JARID2: variants seen among roughly 807,000 people sequenced by gnomAD.
The protein encoded by JARID2 is protein Jumonji.
JARID2 carries 21 observed loss-of-function variants against 125.6 expected under a neutral mutation model. The observed-to-expected ratio is 0.17, with a 90% CI of 0.12 to 0.24. The LOEUF is 0.24. JARID2 is among the 10% of genes least tolerant of loss of function. JARID2 has a pLI of 1.00. For synonymous variants in JARID2, 736 were observed against 661.6 expected (o/e 1.11, Z -1.73); for missense variants, 1,303 against 1,639.6 (o/e 0.79, Z 3.55).
At chr6:15,503,826 C>T (rs1770860577) in intron 8 of JARID2, among the ~76,000 whole-genome samples, 1 of 152,230 alleles carries the variant, frequency 6.6e-6, no homozygotes, top group South Asian at 2.1e-4. Context: ...AAGGTGCTGA[C>T]TCCGGATTCC....
chr6:15,455,557 A>G (rs1027177574), intron 4 of JARID2, among the ~76,000 whole-genome samples: 10 of 152,114 alleles, frequency 6.6e-5, no homozygotes, highest in African/African-American at 2.4e-4. Context: ...TTTGAGACAG[A>G]GTCTCACTCT....
At chr6:15,314,635 A>T (rs974668890) in intron 1 of JARID2, among the ~76,000 whole-genome samples, 6 of 152,174 alleles carry the variant, frequency 3.9e-5, no homozygotes, top group African/African-American at 1.4e-4. Context: ...AACCCTGGAG[A>T]TACAGTTGAG....
intron 3 of JARID2, among the ~76,000 whole-genome samples, chr6:15,445,739 G>T (rs1362201555): frequency 2.6e-5 from 4 of 152,318 alleles, no homozygotes; most frequent in Admixed American, 2.6e-4. Context: ...TTAGAAAAGC[G>T]CCTTGTGCCA....
At chr6:15,367,044 G>A (rs1439514825) in intron 1 of JARID2, among the ~76,000 whole-genome samples, 1 of 152,098 alleles carries the variant, frequency 6.6e-6, no homozygotes, top group African/African-American at 2.4e-5. Context: ...GGGCCTGGTA[G>A]AGTTGGTTGA....
At chr6:15,267,666 C>T (rs773915626) in intron 1 of JARID2, among the ~76,000 whole-genome samples, 15 of 152,098 alleles carry the variant, frequency 9.9e-5, no homozygotes, top group South Asian at 4.2e-4. Flanking sequence ...TCCGGTGTGA[C>T]GCGCGAACTC....
intron 4 of JARID2, among the ~76,000 whole-genome samples, chr6:15,459,381 T>A (rs186783827): frequency 4.6e-5 from 7 of 152,350 alleles, no homozygotes; most frequent in Non-Finnish European, 8.8e-5. Context: ...ATGTAAATGC[T>A]GTGTAAATTT....
intron 16 of JARID2, among the ~76,000 whole-genome samples, chr6:15,516,251 GCTTT>G (rs1371341000): frequency 5.3e-5 from 8 of 152,274 alleles, no homozygotes; most frequent in African/African-American, 1.9e-4. Context: ...TTCCCCTCAA[GCTTT>G]CTGAGAAAGG....
intron 1 of JARID2, among the ~76,000 whole-genome samples, chr6:15,317,398 G>C (rs1221436700): frequency 6.6e-6 from 1 of 152,150 alleles, no homozygotes; most frequent in African/African-American, 2.4e-5. Flanking sequence ...GTGATGCATA[G>C]GTTTGCAGGT....
rs189892747 is a variant in JARID2, at chr6:15,246,221, G to T, written c.-319G>T. 14 of 471,664 alleles carry T rather than the reference G, an allele frequency of 3.0e-5. No individual in the cohort carries two copies. The highest frequency in any genetic ancestry group is 4.1e-5 in the Non-Finnish European group (11 of 269,740). 29.2% of individuals were successfully genotyped at this position (471,664 alleles called of 1,614,324 possible). A position where few individuals can be genotyped will look rare whatever the true frequency, so the allele number is the denominator to read the frequency against. Reference sequence around the variant, plus strand: ...CTGATGTAGTTTTTGGAGGAAAAAGGGGGGGGAGTGAAGGGCGTCGGTTTT... The same window carrying T: ...CTGATGTAGTTTTTGGAGGAAAAAGTGGGGGGAGTGAAGGGCGTCGGTTTT... On this transcript the variant is annotated 5_prime_UTR_variant, in exon 1 of 18. Transcript: ENST00000341776.
chr6:15,254,825 A>G (rs1171075429), intron 1 of JARID2, among the ~76,000 whole-genome samples: 1 of 152,098 alleles, frequency 6.6e-6, no homozygotes, highest in Non-Finnish European at 1.5e-5. Context: ...GGATCACTTC[A>G]GGTCAGGAGT....
rs147376808 is a variant in JARID2 at position 15,280,338 on chromosome 6, G to A, written c.45+33754G>A. Among the ~76,000 whole-genome samples, 430 of 152,044 alleles carry A rather than the reference G, an allele frequency of 2.8e-3. 1 individual carries two copies. Among genetic ancestry groups the A allele is most frequent in the Middle Eastern group, 3.4e-3 (1 of 294 alleles). On this transcript the variant is annotated intron_variant, in intron 1 of 17. Transcript: ENST00000341776. The stretch of plus-strand genomic sequence containing the variant: ...GGCCAAGTTGAGAAATTAGTTTCTC[G>A]GTTTTTTCCCTTCCAATTTAGAAAA...
intron 2 of JARID2, among the ~76,000 whole-genome samples, chr6:15,406,970 G>GT (rs1342682530): frequency 2.0e-5 from 3 of 152,020 alleles, no homozygotes; most frequent in African/African-American, 7.2e-5. Context: ...TTGATAAAAG[G>GT]TACATGAGGC....
intron 17 of JARID2, among the ~76,000 whole-genome samples, chr6:15,517,952 C>T (rs1362610606): frequency 3.3e-5 from 5 of 152,180 alleles, no homozygotes; most frequent in African/African-American, 1.2e-4. Context: ...GTGGGTGCTG[C>T]GGGTATGACT....
At chr6:15,263,244 CAT>C (rs1416257204) in intron 1 of JARID2, among the ~76,000 whole-genome samples, 3 of 152,060 alleles carry the variant, frequency 2.0e-5, no homozygotes, top group African/African-American at 7.2e-5. Flanking sequence ...GTGCTGGAAT[CAT>C]ATGCTCCAGT....
At chr6:15,417,611 A>T (rs555400223) in intron 3 of JARID2, among the ~76,000 whole-genome samples, 1 of 152,280 alleles carries the variant, frequency 6.6e-6, no homozygotes, top group East Asian at 1.9e-4. Flanking sequence ...GGGCCTGTTG[A>T]CATGAGCCTG....
Position 15,496,957 on chromosome 6 carries a change from C to T in JARID2, c.1732C>T (p.Arg578Cys), listed in dbSNP as rs759192312. The T allele has an allele frequency of 4.3e-6, 7 of 1,610,972 alleles. No individual in the cohort carries two copies. Among genetic ancestry groups the T allele is most frequent in the Admixed American group, 1.7e-5 (1 of 59,920 alleles). Residue 578 changes from arginine (R) to cysteine (C), a missense_variant, in exon 7 of 18, where the codon CGC (arginine) becomes TGC (cysteine). By Grantham distance (180) the Arg-to-Cys change is radical. Coordinates refer to ENST00000341776, the MANE Select transcript of JARID2 (RefSeq NM_004973.4). ...HDPLIYIESV[R>C]AQVEKFGMCR... The stretch of plus-strand genomic sequence containing the variant: ...TCCGCTCATCTACATCGAGTCGGTC[C>T]GCGCTCAGGTGGAGAAGTTCGGGAT...
rs924993071 is a variant in JARID2, at chr6:15,511,791, T to C, written c.2952+390T>C. Among the ~76,000 whole-genome samples, 84 of 152,190 alleles carry C rather than the reference T, an allele frequency of 5.5e-4. 1 individual carries two copies. The highest frequency in any genetic ancestry group is 2.0e-3 in the African/African-American group (83 of 41,464). On this transcript the variant is annotated intron_variant, in intron 13 of 17. Transcript: ENST00000341776. Reference sequence around the variant, plus strand: ...TGCTTTGAGCTGAGTTCTGACCAGCTTCTCTGGCCTCTGCTGACCCTGCCG... The same window carrying C: ...TGCTTTGAGCTGAGTTCTGACCAGCCTCTCTGGCCTCTGCTGACCCTGCCG...
At chr6:15,453,264 G>A (rs561278688) in intron 4 of JARID2, among the ~76,000 whole-genome samples, 1 of 152,324 alleles carries the variant, frequency 6.6e-6, no homozygotes, top group South Asian at 2.1e-4. Flanking sequence ...GCCATTAATT[G>A]TCTGTAGTCT....
chr6:15,392,039 G>GGT (rs55811028), intron 2 of JARID2, among the ~76,000 whole-genome samples: 6,418 of 122,752 alleles, frequency 0.052, 152 homozygotes, highest in Middle Eastern at 0.079. Context: ...ATCCCAGAGT[G>GGT]GTGTGTGTGT....
Sources: gnomAD v4.1 joint callset for allele counts (sites outside exome capture counted in the v4.1 genomes callset) on GRCh38, gnomAD v4.1.1 for gene constraint, MANE v1.5 for transcripts, NCBI Gene and HGNC (gene_info 2026-07-23, HGNC 2026-07-21) for gene names.